Variants in LRRK1 observed in about 807,000 individuals in gnomAD.
The protein encoded by LRRK1 is leucine rich repeat kinase 1, also known as leucine-rich repeat serine/threonine-protein kinase 1.
In LRRK1, 113 loss-of-function variants were observed where a neutral mutation model predicts 209.1. The ratio of observed to expected loss-of-function variants is 0.54; its 90% CI spans 0.46 to 0.63. The LOEUF is 0.63. Ranked by LOEUF, LRRK1 falls within the 30% of genes least tolerant of loss-of-function variation. The pLI, the probability that LRRK1 is intolerant of heterozygous loss-of-function variation, is 0.00. For synonymous variants in LRRK1, 1,144 were observed against 1,099.7 expected (o/e 1.04, Z -0.80); for missense variants, 2,284 against 2,632.2 (o/e 0.87, Z 2.89).
intron 6 of LRRK1, among the ~76,000 whole-genome samples, chr15:101,008,518 C>A (rs977015330): frequency 1.3e-5 from 2 of 152,224 alleles, no homozygotes; most frequent in East Asian, 3.9e-4. Flanking sequence ...AATCCCGCCG[C>A]GCTCTTCCCT....
At position 101,027,314 on chromosome 15, in the gene LRRK1, T is replaced by G; in HGVS notation, c.2459T>G (p.Phe820Cys). Residue 820 changes from phenylalanine to cysteine, a missense_variant, in exon 18 of 34, where the codon TTC (phenylalanine) becomes TGC (cysteine). By Grantham distance (205) the Phe-to-Cys change is radical. Coordinates refer to ENST00000388948, the MANE Select transcript of LRRK1 (RefSeq NM_024652.6). The surrounding 1 kb of genome is among the most constrained non-coding windows in gnomAD (Gnocchi z 5.1). Reference sequence around the variant, plus strand: ...CAGGAAGGGCTGCGACAGCTGATTTTCCACGTCACGTGCAGCATGAAGGAC... The same window carrying G: ...CAGGAAGGGCTGCGACAGCTGATTTGCCACGTCACGTGCAGCATGAAGGAC... ...EGQEGLRQLI[F>C]HVTCSMKDVG... is the part of the protein sequence containing the mutation. 1.2e-6 allele frequency: 2 copies of G among 1,614,096 alleles called. No homozygotes were observed. The highest frequency in any genetic ancestry group is 1.7e-6 in the Non-Finnish European group (2 of 1,180,012).
chr15:101,017,405 A>T (rs563500302), intron 12 of LRRK1, among the ~76,000 whole-genome samples: 57 of 152,280 alleles, frequency 3.7e-4, no homozygotes, highest in African/African-American at 1.4e-3. Flanking sequence ...AAGAGTCCAA[A>T]AATAGACCTC....
intron 20 of LRRK1, 44 bp downstream of exon 20, chr15:101,029,276 C>A: frequency 1.3e-6 from 2 of 1,554,458 alleles, no homozygotes; most frequent in South Asian, 1.2e-5. Flanking sequence ...GGTTGCTCCC[C>A]GAAAGAGGGA....
At position 101,076,542 on chromosome 15, in the gene LRRK1, GGCCTAATGGC is replaced by G. The variant is rs2036992985; in HGVS notation, c.*7695_*7704del. ...TGGTTTATGGATGGCAGTTCCACCA[GGCCTAATGGC>G]CACACACCAGCAAAGGCAGGCTGTG... On this transcript the variant is annotated 3_prime_UTR_variant, in exon 34 of 34. Coordinates refer to ENST00000388948, the MANE Select transcript of LRRK1 (RefSeq NM_024652.6). 6.6e-6 allele frequency: 1 copy of G among 152,370 alleles called. No individual in the cohort carries two copies. Among genetic ancestry groups the G allele is most frequent in the Non-Finnish European group, 1.5e-5 (1 of 68,218 alleles). 9.4% of individuals were successfully genotyped at this position (152,370 alleles called of 1,614,324 possible). A position where few individuals can be genotyped will look rare whatever the true frequency, so the allele number is the denominator to read the frequency against.
At chr15:100,962,822 TA>T (rs1182100563) in intron 2 of LRRK1, among the ~76,000 whole-genome samples, 469 of 10,798 alleles carry the variant, frequency 0.043, 30 homozygotes, top group Non-Finnish European at 0.053. Flanking sequence ...TATATATATA[TA>T]TTTTTTTTTT....
At position 100,984,482 on chromosome 15, in the gene LRRK1, C is replaced by G. The variant is rs569275737; in HGVS notation, c.433+783C>G. Among the ~76,000 whole-genome samples, 3 of 110,000 alleles carry G rather than the reference C, an allele frequency of 2.7e-5. No homozygotes were observed. The Admixed American group carries it at 2.9e-4, about 11-fold the overall frequency. The allele number at this position is 110,000 out of a possible 152,430, so 72.2% of individuals were successfully genotyped here. Reference sequence around the variant, plus strand: ...TGCTCCACCCCTCCCCTGGCCCCATCCCTCCCTCCCTCCCTCCCTCCCCTG... The same window carrying G: ...TGCTCCACCCCTCCCCTGGCCCCATGCCTCCCTCCCTCCCTCCCTCCCCTG... On this transcript the variant is annotated intron_variant, in intron 4 of 33. Coordinates refer to ENST00000388948, the MANE Select transcript of LRRK1 (RefSeq NM_024652.6).
chr15:101,053,406 C>G lies in LRRK1; in HGVS notation c.4040C>G (p.Ser1347Cys). ...CTCAGCAGCCTCAACACCGTGCTGT[C>G]CGAGAACGCCAGAGGTACCGCGGCG... is the stretch of plus-strand genomic sequence containing the variant. The part of the protein sequence containing the change: ...APLSSLNTVL[S>C]ENARDSSFIP... Residue 1347 changes from serine to cysteine, a missense_variant, in exon 26 of 34, where the codon TCC becomes TGC. Coordinates refer to ENST00000388948, the MANE Select transcript of LRRK1 (RefSeq NM_024652.6). 6.3e-7 allele frequency: 1 copy of G among 1,595,082 alleles called. No homozygotes were observed. The highest frequency in any genetic ancestry group is 1.1e-5 in the South Asian group (1 of 90,512).
intron 2 of LRRK1, among the ~76,000 whole-genome samples, chr15:100,963,553 C>T (rs2141639059): frequency 6.6e-6 from 1 of 152,360 alleles, no homozygotes; most frequent in South Asian, 2.1e-4. Flanking sequence ...ACACCACTCC[C>T]TAATCCTTGG....
rs2036868124 is a variant in LRRK1, at chr15:101,073,228, A to G, written c.*4380A>G. On this transcript the variant is annotated 3_prime_UTR_variant, in exon 34 of 34. Transcript: ENST00000388948. Reference sequence around the variant, plus strand: ...TCATTTTCTGGTAGAGATAAAGGAGACACGTTTTATCCGTGGACCCAAAAC... The same window carrying G: ...TCATTTTCTGGTAGAGATAAAGGAGGCACGTTTTATCCGTGGACCCAAAAC... The G allele has an allele frequency of 6.6e-6, 1 of 152,380 alleles. No individual in the cohort carries two copies. Among genetic ancestry groups the G allele is most frequent in the Non-Finnish European group, 1.5e-5 (1 of 68,200 alleles). 9.4% of individuals were successfully genotyped at this position (152,380 alleles called of 1,614,324 possible).
At chr15:100,973,368 G>A (rs1415735670) in intron 2 of LRRK1, among the ~76,000 whole-genome samples, 1 of 152,214 alleles carries the variant, frequency 6.6e-6, no homozygotes, top group Non-Finnish European at 1.5e-5. Context: ...TGGGCAGGGC[G>A]GGAAAGCGTC....
intron 20 of LRRK1, among the ~76,000 whole-genome samples, chr15:101,038,037 G>C (rs1461901781): frequency 6.6e-6 from 1 of 152,178 alleles, no homozygotes; most frequent in Non-Finnish European, 1.5e-5. Context: ...ATACTACTCA[G>C]CCATATAAAG....
At position 101,077,269 on chromosome 15, in the gene LRRK1, AC is replaced by A. The variant is rs1312795889; in HGVS notation, c.*8422del. ...ACCAACTTGGACTGTGCCCCAAAAAACTTGTCATCCCTACTATCTTCTGTCT... is the reference window on the plus strand; with the variant it reads ...ACCAACTTGGACTGTGCCCCAAAAAATTGTCATCCCTACTATCTTCTGTCT... On this transcript the variant is annotated 3_prime_UTR_variant, in exon 34 of 34. Transcript: ENST00000388948. 6.6e-6 allele frequency: 1 copy of A among 152,150 alleles called. No individual in the cohort carries two copies. Among genetic ancestry groups the A allele is most frequent in the Non-Finnish European group, 1.5e-5 (1 of 68,022 alleles). The allele number at this position is 152,150 out of a possible 1,614,324, so 9.4% of individuals were successfully genotyped here.
chr15:100,921,862 C>T (rs927535201), intron 1 of LRRK1, among the ~76,000 whole-genome samples: 3 of 152,094 alleles, frequency 2.0e-5, no homozygotes, highest in Non-Finnish European at 2.9e-5. Flanking sequence ...GGATTACAGG[C>T]GCCCACCAGC....
In LRRK1 at chr15:100,924,708, C is replaced by T. The variant is rs767752687; in HGVS notation, c.76C>T (p.Arg26Cys). Residue 26 changes from arginine to cysteine, a missense_variant, in exon 2 of 34, where the codon CGT becomes TGT. Arg to Cys is a radical substitution (Grantham distance 180). Transcript: ENST00000388948. ...GPEESAVCPE[R>C]AMETLNGAGD... The stretch of plus-strand genomic sequence containing the variant: ...GGAGGAGTCAGCTGTGTGTCCAGAA[C>T]GTGCCATGGAGACGCTTAACGGTAA... The T allele has an allele frequency of 8.6e-5, 138 of 1,613,980 alleles. No homozygotes were observed. Among genetic ancestry groups the T allele is most frequent in the Non-Finnish European group, 1.1e-4 (131 of 1,179,992 alleles).
chr15:100,972,348 GA>G (rs2030952800), intron 2 of LRRK1, among the ~76,000 whole-genome samples: 1 of 132,388 alleles, frequency 7.6e-6, no homozygotes, highest in Non-Finnish European at 1.6e-5. Flanking sequence ...GAGAGAGAGA[GA>G]GAGAGAGAGA....
chr15:100,941,372 A>ATC (rs145024467), intron 2 of LRRK1, among the ~76,000 whole-genome samples: 3,939 of 47,004 alleles, frequency 0.084, 295 homozygotes, highest in African/African-American at 0.1. Flanking sequence ...GTGTGCCTGT[A>ATC]TGTGTGTGTC....
chr15:101,023,256 G>C (rs2033879718), intron 15 of LRRK1, among the ~76,000 whole-genome samples: 1 of 152,116 alleles, frequency 6.6e-6, no homozygotes, highest in Non-Finnish European at 1.5e-5. Context: ...CTTGAACCCG[G>C]GAGGTGGAGG....
rs1043103475 is a variant in LRRK1 at position 101,009,185 on chromosome 15, A to G, written c.989+122A>G. The stretch of plus-strand genomic sequence containing the variant: ...AAAAATGTTCTGGCTAAAATAGGAG[A>G]AGGAGTTTTGCCTACCCTGAGGCAA... On this transcript the variant is annotated intron_variant, in intron 7 of 33. Coordinates refer to ENST00000388948, the MANE Select transcript of LRRK1 (RefSeq NM_024652.6). 2.2e-5 allele frequency: 17 copies of G among 784,588 alleles called. No homozygotes were observed. The Admixed American group carries it at 4.0e-4, about 18-fold the overall frequency. 48.6% of individuals were successfully genotyped at this position (784,588 alleles called of 1,614,324 possible).
intron 6 of LRRK1, among the ~76,000 whole-genome samples, chr15:100,996,415 G>A (rs754473403): frequency 3.3e-5 from 5 of 152,346 alleles, no homozygotes; most frequent in Non-Finnish European, 4.4e-5. Flanking sequence ...ACAGTCGCTC[G>A]TGTGAACAGA....
Sources: gnomAD v4.1 joint callset for allele counts (sites outside exome capture counted in the v4.1 genomes callset) on GRCh38, gnomAD v4.1.1 for gene constraint, Gnocchi (gnomAD v3.1) non-coding constraint, MANE v1.5 for transcripts, NCBI Gene and HGNC (gene_info 2026-07-23, HGNC 2026-07-21) for gene names.